NCKAP1: variants seen among roughly 807,000 people sequenced by gnomAD.
The protein encoded by NCKAP1 is nck-associated protein 1.
NCKAP1 carries 21 observed loss-of-function variants against 151.2 expected under a neutral mutation model. The ratio of observed to expected loss-of-function variants is 0.14; its 90% CI spans 0.10 to 0.20. The LOEUF is 0.20. Among genes scored for constraint, NCKAP1 ranks in the 10% least tolerant of loss-of-function variants. The pLI is 1.00. For missense variants in NCKAP1, 933 were observed against 1,352.1 expected (o/e 0.69, Z 4.86); for synonymous variants, 484 against 451.8 (o/e 1.07, Z -0.90).
chr2:183,024,419 G>A (rs1168693398), intron 1 of NCKAP1, among the ~76,000 whole-genome samples: 5 of 152,134 alleles, frequency 3.3e-5, no homozygotes, highest in Non-Finnish European at 5.9e-5. Flanking sequence ...TCTTTATAGT[G>A]CTAAGGTGTG....
intron 1 of NCKAP1, 107 bp from the exon 2 acceptor site, chr2:183,024,023 G>A: frequency 1.1e-6 from 1 of 882,572 alleles, no homozygotes; most frequent in South Asian, 1.6e-5. Context: ...TTTTTGGTGA[G>A]CAGGTGATAA....
chr2:182,974,776 G>C (rs1391212397), intron 15 of NCKAP1, among the ~76,000 whole-genome samples: 1 of 151,758 alleles, frequency 6.6e-6, no homozygotes, highest in African/African-American at 2.4e-5. Flanking sequence ...TTGGTACTTT[G>C]TTATGGCAGC....
At chr2:182,996,150 C>T (rs758722074) in intron 6 of NCKAP1, among the ~76,000 whole-genome samples, 16 of 152,236 alleles carry the variant, frequency 1.1e-4, no homozygotes, top group Non-Finnish European at 1.5e-4. Flanking sequence ...AGACAGCCCA[C>T]TGTCACCTTT....
intron 1 of NCKAP1, among the ~76,000 whole-genome samples, chr2:183,035,771 A>G (rs1055673725): frequency 1.3e-5 from 2 of 152,196 alleles, no homozygotes; most frequent in African/African-American, 4.8e-5. Context: ...AAATTACACA[A>G]AGGGAGCAAA....
At chr2:182,967,483 A>AGATGTTACTGTC in intron 15 of NCKAP1, 122 bp from the exon 16 acceptor site, 1 of 874,990 alleles carries the variant, frequency 1.1e-6, no homozygotes, top group Non-Finnish European at 1.8e-6. Context: ...CACTGACAGT[A>AGATGTTACTGTC]ACATCTACTG....
Position 182,910,960 on chromosome 2 carries a change from C to CCCCCG in NCKAP1, c.*14741_*14742insCGGGG, listed in dbSNP as rs1191690572. 1 of 147,394 alleles carries CCCCCG rather than the reference C, an allele frequency of 6.8e-6. No homozygotes were observed. Among genetic ancestry groups the CCCCCG allele is most frequent in the African/African-American group, 2.5e-5 (1 of 39,978 alleles). The allele number at this position is 147,394 out of a possible 1,614,324, so 9.1% of individuals were successfully genotyped here. A position where few individuals can be genotyped will look rare whatever the true frequency, so the allele number is the denominator to read the frequency against. On this transcript the variant is annotated 3_prime_UTR_variant, in exon 31 of 31. Coordinates refer to ENST00000361354, the MANE Select transcript of NCKAP1 (RefSeq NM_013436.5). ...AATAAAATCCTAAGCTCCCCCCCCA[C>CCCCCG]ATTTGACTAAACAGACCCTCTCCTG...
At chr2:182,927,024 T>A in intron 29 of NCKAP1, 119 bp from the exon 30 acceptor site, 1 of 643,908 alleles carries the variant, frequency 1.6e-6, no homozygotes, top group Non-Finnish European at 2.6e-6. Context: ...TATAAAATAA[T>A]GAGCAATTAA....
rs1696409033 is a variant in NCKAP1 at position 182,912,383 on chromosome 2, GC to G, written c.*13318del. 1 of 152,116 alleles carries G rather than the reference GC, an allele frequency of 6.6e-6. No homozygotes were observed. 9.4% of individuals were successfully genotyped at this position (152,116 alleles called of 1,614,324 possible). ...CCAAATCTTTTCAGCTAAAAAGCCA[GC>G]AAAGATCAAAGAGTTTTCACATGAG... On this transcript the variant is annotated 3_prime_UTR_variant, in exon 31 of 31. Coordinates refer to ENST00000361354, the MANE Select transcript of NCKAP1 (RefSeq NM_013436.5).
chr2:182,958,731 C>T (rs1302921911), intron 18 of NCKAP1, among the ~76,000 whole-genome samples: 1 of 152,108 alleles, frequency 6.6e-6, no homozygotes, highest in Non-Finnish European at 1.5e-5. Context: ...AAAAAAACCA[C>T]ACAGGTACAA....
At chr2:182,961,565 A>C (rs962911456) in intron 18 of NCKAP1, among the ~76,000 whole-genome samples, 1 of 151,714 alleles carries the variant, frequency 6.6e-6, no homozygotes, top group Admixed American at 6.6e-5. Flanking sequence ...AACATCACAC[A>C]CTGGGGCCTG....
intron 6 of NCKAP1, 54 bp from the exon 7 acceptor site, chr2:182,995,892 T>C: frequency 1.4e-6 from 2 of 1,446,054 alleles, no homozygotes; most frequent in Non-Finnish European, 1.9e-6. Flanking sequence ...CTTTTCTGTT[T>C]ACATTGCAGC....
rs558653452 is a variant in NCKAP1 at position 182,924,199 on chromosome 2, A to T, written c.*1503T>A. 203 of 152,324 alleles carry T rather than the reference A, an allele frequency of 1.3e-3. No individual in the cohort carries two copies. The highest frequency in any genetic ancestry group is 4.8e-3 in the African/African-American group (198 of 41,582). The allele number at this position is 152,324 out of a possible 1,614,324, so 9.4% of individuals were successfully genotyped here. ...TAGTGACAACTACTCCCTACTTTAAATATAGGCTGGACAAATCATACACAA... is the reference window on the plus strand; with the variant it reads ...TAGTGACAACTACTCCCTACTTTAATTATAGGCTGGACAAATCATACACAA... On this transcript the variant is annotated 3_prime_UTR_variant, in exon 31 of 31. Transcript: ENST00000361354.
intron 1 of NCKAP1, among the ~76,000 whole-genome samples, chr2:183,034,661 A>G: frequency 6.6e-6 from 1 of 152,136 alleles, no homozygotes; most frequent in East Asian, 1.9e-4. Context: ...TCAGATTCCT[A>G]AATACTATTT....
chr2:182,984,423 G>GGTGTGTGTGTGTGTGTGTGTGT lies in NCKAP1; in HGVS notation c.1005-1063_1005-1042dup, dbSNP rs4018678. On this transcript the variant is annotated intron_variant, in intron 10 of 30. Transcript: ENST00000361354. ...AAGAAAGTTTTAGAATTTAGATTGG[G>GGTGTGTGTGTGTGTGTGTGTGT]GTGTGTGTGTGTGTGTGTGTGTGTG... Among the ~76,000 whole-genome samples, 323 of 144,388 alleles carry GGTGTGTGTGTGTGTGTGTGTGT rather than the reference G, an allele frequency of 2.2e-3. 8 individuals are homozygous for GGTGTGTGTGTGTGTGTGTGTGT. The highest frequency in any genetic ancestry group is 3.3e-3 in the Non-Finnish European group (212 of 64,144). The allele number at this position is 144,388 out of a possible 152,430, so 94.7% of individuals were successfully genotyped here. A position where few individuals can be genotyped will look rare whatever the true frequency, so the allele number is the denominator to read the frequency against.
intron 8 of NCKAP1, among the ~76,000 whole-genome samples, chr2:182,993,580 C>T (rs958783536): frequency 4.6e-5 from 7 of 152,038 alleles, no homozygotes; most frequent in South Asian, 2.1e-4. Flanking sequence ...TGCAGTAACA[C>T]GGATGGAGAT....
At position 182,982,786 on chromosome 2, in the gene NCKAP1, T is replaced by C. The variant is rs762632730; in HGVS notation, c.1208+35A>G. On this transcript the variant is annotated intron_variant, in intron 12 of 30. Coordinates refer to ENST00000361354, the MANE Select transcript of NCKAP1 (RefSeq NM_013436.5). ...CATTGTAAATCAAGAAGCATCTATA[T>C]ACAGAAAATATTTTTTTAAATGTTG... The C allele has an allele frequency of 5.0e-6, 7 of 1,388,304 alleles. No individual in the cohort carries two copies. The East Asian group carries it at 1.4e-4, about 28-fold the overall frequency. The allele number at this position is 1,388,304 out of a possible 1,614,324, so 86.0% of individuals were successfully genotyped here.
intron 24 of NCKAP1, 164 bp from the exon 25 acceptor site, chr2:182,935,539 TTGATAGC>T: frequency 2.0e-6 from 1 of 490,012 alleles, no homozygotes; most frequent in Non-Finnish European, 3.5e-6. Context: ...GAGAAAGATG[TTGATAGC>T]TGATATTTAA....
At chr2:182,928,995 G>A in intron 27 of NCKAP1, 96 bp from the exon 28 acceptor site, 1 of 772,036 alleles carries the variant, frequency 1.3e-6, no homozygotes, top group Non-Finnish European at 2.0e-6. Flanking sequence ...TTTAAAAATG[G>A]TTTACTTTTT....
chr2:182,915,719 T>C lies in NCKAP1; in HGVS notation c.*9983A>G, dbSNP rs1307458887. ...GTAAAGGGGTAAGATTACAGTTAAG[T>C]GTCTCACAGCTCCTGTCTTTTCTAT... On this transcript the variant is annotated 3_prime_UTR_variant, in exon 31 of 31. Transcript: ENST00000361354. 2 of 152,086 alleles carry C rather than the reference T, an allele frequency of 1.3e-5. No homozygotes were observed. Among genetic ancestry groups the C allele is most frequent in the Admixed American group, 1.3e-4 (2 of 15,274 alleles). The allele number at this position is 152,086 out of a possible 1,614,324, so 9.4% of individuals were successfully genotyped here. A position where few individuals can be genotyped will look rare whatever the true frequency, so the allele number is the denominator to read the frequency against.
Sources: allele counts gnomAD v4.1 joint callset (sites outside exome capture counted in the v4.1 genomes callset), GRCh38; gene constraint gnomAD v4.1.1; transcripts MANE v1.5; gene names NCBI Gene and HGNC (gene_info 2026-07-23, HGNC 2026-07-21).